The following CFAP77 variants were observed in gnomAD, a reference collection of about 807,000 sequenced individuals.
The protein encoded by CFAP77 is cilia and flagella associated protein 77, also known as cilia- and flagella-associated protein 77.
In CFAP77, 25 loss-of-function variants were observed where a neutral mutation model predicts 31.1. The observed-to-expected ratio is 0.80, with a 90% CI of 0.59 to 1.12. The LOEUF (loss-of-function observed/expected upper bound fraction) is 1.12, where lower values mean the gene tolerates loss of function less well. CFAP77 is among the 50% of genes most tolerant of loss of function. The pLI is 0.00. For synonymous variants in CFAP77, 151 were observed against 159.9 expected, an observed-to-expected ratio of 0.94 and a Z score of 0.42; for missense variants, 377 against 397.3, an observed-to-expected ratio of 0.95 and a Z score of 0.44.
At chr9:132,516,973 G>C (rs111597846) in intron 3 of CFAP77, among the ~76,000 whole-genome samples, 203 of 152,306 alleles carry the variant, frequency 1.3e-3, no homozygotes, top group African/African-American at 4.1e-3. Flanking sequence ...GAAGCCCTGG[G>C]TGCCAAGGAA....
At chr9:132,519,970 G>A (rs1020982647) in intron 3 of CFAP77, among the ~76,000 whole-genome samples, 1 of 151,932 alleles carries the variant, frequency 6.6e-6, no homozygotes, top group African/African-American at 2.4e-5. Flanking sequence ...ATGGACTAAC[G>A]AACGAGTGAA....
intron 3 of CFAP77, among the ~76,000 whole-genome samples, chr9:132,519,363 G>T (rs1310526393): frequency 6.8e-6 from 1 of 146,978 alleles, no homozygotes; most frequent in Non-Finnish European, 1.5e-5. Flanking sequence ...TGGGTGGATG[G>T]TTGGGTGGAT....
chr9:132,459,336 G>A (rs1589862492), intron 1 of CFAP77, among the ~76,000 whole-genome samples: 1 of 152,242 alleles, frequency 6.6e-6, no homozygotes, highest in South Asian at 2.1e-4. Flanking sequence ...CTCCCAAAGT[G>A]CTGGGATTAC....
chr9:132,433,971 T>TA (rs1229342874), intron 1 of CFAP77, among the ~76,000 whole-genome samples: 14,508 of 129,852 alleles, frequency 0.11, 985 homozygotes, highest in East Asian at 0.29. Flanking sequence ...ACCCCATGTG[T>TA]AAAAAAAAAA....
chr9:132,506,760 G>A (rs1370525431), intron 3 of CFAP77, among the ~76,000 whole-genome samples: 1 of 152,184 alleles, frequency 6.6e-6, no homozygotes, highest in East Asian at 1.9e-4. Flanking sequence ...GAATAGCTCA[G>A]TGAGTACAAA....
At chr9:132,502,832 T>C (rs1014542229) in intron 3 of CFAP77, among the ~76,000 whole-genome samples, 2 of 152,174 alleles carry the variant, frequency 1.3e-5, no homozygotes, top group African/African-American at 4.8e-5. Context: ...GTAGTGGGAT[T>C]GCGGGATCAG....
intron 1 of CFAP77, among the ~76,000 whole-genome samples, chr9:132,433,751 T>C (rs1387658238): frequency 6.6e-6 from 1 of 152,028 alleles, no homozygotes; most frequent in Admixed American, 6.6e-5. Flanking sequence ...TTTCACCATG[T>C]CGGCCAGGCT....
chr9:132,520,334 G>T (rs1164875069), intron 3 of CFAP77, among the ~76,000 whole-genome samples: 1 of 151,990 alleles, frequency 6.6e-6, no homozygotes, highest in Non-Finnish European at 1.5e-5. Context: ...TATACACCTG[G>T]GTATCCAATG....
chr9:132,509,072 C>T (rs1330058609), intron 3 of CFAP77, among the ~76,000 whole-genome samples: 1 of 152,254 alleles, frequency 6.6e-6, no homozygotes, highest in African/African-American at 2.4e-5. Flanking sequence ...ACAACAGTTA[C>T]AGCAATGAAC....
chr9:132,486,764 G>A (rs547761237), intron 1 of CFAP77, among the ~76,000 whole-genome samples: 1 of 152,348 alleles, frequency 6.6e-6, no homozygotes, highest in Admixed American at 6.5e-5. Flanking sequence ...AAGCTAAGTA[G>A]CAAATAAATC....
Position 132,544,232 on chromosome 9 carries a change from C to T in CFAP77, c.732+1185C>T, listed in dbSNP as rs138214363. Among the ~76,000 whole-genome samples the T allele has an allele frequency of 2.0e-4, 30 of 152,342 alleles. 1 individual carries two copies. The highest frequency in any genetic ancestry group is 7.7e-4 in the East Asian group (4 of 5,182). Reference sequence around the variant, plus strand: ...ATATGTCAATGACCATGCGCCCTGCCGCCCGTCAGTGCGCTGCCTCCGTGC... The same window carrying T: ...ATATGTCAATGACCATGCGCCCTGCTGCCCGTCAGTGCGCTGCCTCCGTGC... On this transcript the variant is annotated intron_variant, in intron 5 of 5. Transcript: ENST00000393216.
intron 5 of CFAP77, among the ~76,000 whole-genome samples, chr9:132,550,250 G>T: frequency 6.6e-6 from 1 of 152,204 alleles, no homozygotes; most frequent in East Asian, 1.9e-4. Flanking sequence ...CTGATTATAT[G>T]CAAAAATATT....
rs1564237341 is a variant in CFAP77 at position 132,517,820 on chromosome 9, A to G, written c.524+18220A>G. Among the ~76,000 whole-genome samples, 1 of 152,208 alleles carries G rather than the reference A, an allele frequency of 6.6e-6. No individual in the cohort carries two copies. The highest frequency in any genetic ancestry group is 2.4e-5 in the African/African-American group (1 of 41,448). ...ATGATAATTTCCATTTCCCCTGCAC[A>G]TCCCCTGTGCCTGCATCGGAGATCA... On this transcript the variant is annotated intron_variant, in intron 3 of 5. Transcript: ENST00000393216. This position sits in a 1 kb window ranked among gnomAD's most constrained non-coding sequence, Gnocchi z 4.7.
chr9:132,539,532 C>G lies in CFAP77; in HGVS notation c.630+1826C>G, dbSNP rs1852603661. 6.6e-6 allele frequency among the ~76,000 whole-genome samples: 1 copy of G among 152,204 alleles called. No homozygotes were observed. The highest frequency in any genetic ancestry group is 2.1e-4 in the South Asian group (1 of 4,830). On this transcript the variant is annotated intron_variant, in intron 4 of 5. Transcript: ENST00000393216. The surrounding 1 kb of genome is among the most constrained non-coding windows in gnomAD (Gnocchi z 4.3). The stretch of plus-strand genomic sequence containing the variant: ...CTCTTCCTGAAGAAGAGGTCCCACT[C>G]CTGCTGTTTACGGAAAAGCCTGGGG...
At chr9:132,457,235 G>A (rs1377957226) in intron 1 of CFAP77, among the ~76,000 whole-genome samples, 1 of 125,876 alleles carries the variant, frequency 7.9e-6, no homozygotes, top group Admixed American at 9.5e-5. Context: ...CTGAGGACTC[G>A]CTCCCACGCA....
At chr9:132,437,502 C>CTT (rs1276163837) in intron 1 of CFAP77, among the ~76,000 whole-genome samples, 2 of 131,856 alleles carry the variant, frequency 1.5e-5, no homozygotes, top group Admixed American at 7.4e-5. Context: ...ACCACTTTTG[C>CTT]ATTTTTTTTT....
intron 1 of CFAP77, among the ~76,000 whole-genome samples, chr9:132,427,083 C>T (rs1211035489): frequency 1.3e-5 from 2 of 152,164 alleles, no homozygotes; most frequent in Non-Finnish European, 2.9e-5. Context: ...AAGAAGCCTG[C>T]AGCTAAGTTA....
chr9:132,529,786 A>G (rs1406558903), intron 3 of CFAP77, among the ~76,000 whole-genome samples: 4 of 150,964 alleles, frequency 2.6e-5, no homozygotes, highest in Non-Finnish European at 5.9e-5. Flanking sequence ...AGGTCGCACC[A>G]CTGCACTCCA....
At chr9:132,469,010 C>T (rs1233194119) in intron 1 of CFAP77, among the ~76,000 whole-genome samples, 1 of 150,842 alleles carries the variant, frequency 6.6e-6, no homozygotes, top group Non-Finnish European at 1.5e-5. Flanking sequence ...TCTCTTTCTC[C>T]AGTAGGTATG....
Sources: allele counts gnomAD v4.1 joint callset (sites outside exome capture counted in the v4.1 genomes callset), GRCh38; gene constraint gnomAD v4.1.1; non-coding constraint Gnocchi (gnomAD v3.1); transcripts MANE v1.5; gene names NCBI Gene and HGNC (gene_info 2026-07-23, HGNC 2026-07-21).